Variants in TCIRG1 observed in about 807,000 individuals in gnomAD.
TCIRG1 encodes the protein T cell immune regulator 1, ATPase H+ transporting V0 subunit a3, also known as V-type proton ATPase 116 kDa subunit a 3.
TCIRG1 carries 86 observed loss-of-function variants against 95.5 expected under a neutral mutation model. That is an observed-to-expected ratio of 0.90 (90% CI 0.76 to 1.08). The LOEUF (loss-of-function observed/expected upper bound fraction) is 1.08, where lower values mean the gene tolerates loss of function less well. TCIRG1 is among the 50% of genes least tolerant of loss of function. The probability of loss-of-function intolerance (pLI) is 0.00; values close to 1 mark genes in which losing one functional copy is unlikely to be tolerated. For synonymous variants in TCIRG1, 499 were observed against 501.3 expected (o/e 1.00, Z 0.06); for missense variants, 1,069 against 1,140.2 (o/e 0.94, Z 0.90).
intron 13 of TCIRG1, 144 bp downstream of exon 13, chr11:68,048,116 G>C: frequency 1.3e-6 from 1 of 785,302 alleles, no homozygotes; most frequent in Non-Finnish European, 2.2e-6. Context: ...AGGCAGACAA[G>C]CCTCCTGCCC....
Position 68,043,817 on chromosome 11 carries a change from C to T in TCIRG1, c.717C>T (p.Phe239=). Residue 239 remains phenylalanine (F), a synonymous_variant, in exon 8 of 20, where the codon TTC becomes TTT. Coordinates refer to ENST00000265686, the MANE Select transcript of TCIRG1 (RefSeq NM_006019.4). ...ACGCAGCGCATCCTCCCTCCAGCTT[C>T]CACTGCCACGTCTTCCCGTTTCTGC... is the stretch of plus-strand genomic sequence containing the variant. The part of the protein sequence containing the change: ...GQKIRKITDC[F]HCHVFPFLQQ... 1 of 1,562,544 alleles carries T rather than the reference C, an allele frequency of 6.4e-7. No homozygotes were observed. The highest frequency in any genetic ancestry group is 2.4e-5 in the East Asian group (1 of 42,036).
At chr11:68,048,826 G>T (rs1223454837) in intron 13 of TCIRG1, 53 bp from the exon 14 acceptor site, 21 of 1,304,224 alleles carry the variant, frequency 1.6e-5, no homozygotes, top group Non-Finnish European at 2.0e-5. Flanking sequence ...GGACTTCCTG[G>T]CAGTGATGGC....
At chr11:68,041,732 C>G (rs1356113842) in intron 2 of TCIRG1, 21 bp from the exon 3 acceptor site, 1 of 1,599,524 alleles carries the variant, frequency 6.3e-7, no homozygotes, top group Non-Finnish European at 8.5e-7. Flanking sequence ...GGACACTCAC[C>G]CCTCCGTGTG....
intron 3 of TCIRG1, among the ~76,000 whole-genome samples, 179 bp from the exon 4 acceptor site, chr11:68,042,464 C>A (rs2134434243): frequency 6.6e-6 from 1 of 152,274 alleles, no homozygotes; most frequent in East Asian, 1.9e-4. Flanking sequence ...AGAGTGAGCC[C>A]AGACCTGAGC....
chr11:68,042,858 C>T lies in TCIRG1; in HGVS notation c.412C>T (p.Pro138Ser), dbSNP rs35354504. The change falls in exon 4 of 20, where the codon CCT becomes TCT. Residue 138 changes from proline to serine, a missense_variant. Coordinates refer to ENST00000265686, the MANE Select transcript of TCIRG1 (RefSeq NM_006019.4). ...CGCCGTGCTACGCCAGGGCCATGAACCTCAGGTCAGCTCCCACCCAGGCAG... is the reference window on the plus strand; with the variant it reads ...CGCCGTGCTACGCCAGGGCCATGAATCTCAGGTCAGCTCCCACCCAGGCAG... Reference protein sequence around the residue: ...HAAVLRQGHEPQLAAAHTDGA... With the variant: ...HAAVLRQGHESQLAAAHTDGA... 777 of 1,549,714 alleles carry T rather than the reference C, an allele frequency of 5.0e-4. 5 individuals are homozygous for T. The highest frequency in any genetic ancestry group is 1.7e-3 in the Middle Eastern group (10 of 5,882).
At position 68,047,265 on chromosome 11, in the gene TCIRG1, C is replaced by A. The variant is rs1030726162; in HGVS notation, c.1166-168C>A. Among the ~76,000 whole-genome samples, 16 of 113,986 alleles carry A rather than the reference C, an allele frequency of 1.4e-4. 2 individuals are homozygous for A. Among genetic ancestry groups the A allele is most frequent in the South Asian group, 9.7e-4 (3 of 3,092 alleles). The allele number at this position is 113,986 out of a possible 152,430, so 74.8% of individuals were successfully genotyped here. ...ACCTCGGGTGATGCCCCCCCCCCCC[C>A]CCGTCTCGGCCTCCCAGAGTGCTGG... On this transcript the variant is annotated intron_variant, in intron 10 of 19. Coordinates refer to ENST00000265686, the MANE Select transcript of TCIRG1 (RefSeq NM_006019.4).
Position 68,042,698 on chromosome 11 carries a change from G to A in TCIRG1, c.252G>A (p.Gly84=). 1 of 1,546,156 alleles carries A rather than the reference G, an allele frequency of 6.5e-7. No individual in the cohort carries two copies. Among genetic ancestry groups the A allele is most frequent in the Non-Finnish European group, 8.7e-7 (1 of 1,145,786 alleles). The change falls in exon 4 of 20, where the codon GGG becomes GGA. Residue 84 remains glycine (G), a synonymous_variant. Coordinates refer to ENST00000265686, the MANE Select transcript of TCIRG1 (RefSeq NM_006019.4). ...GGCTGGTCCTGCCCCCGCCAAAGGG[G>A]AGGCTGCCGGCACCCCCACCCCGGG... The part of the protein sequence containing the change: ...RAGLVLPPPK[G]RLPAPPPRDL...
chr11:68,051,025 G>C, downstream of TCIRG1: 1 of 629,748 alleles, frequency 1.6e-6, no homozygotes. Context: ...TCAGACTCTT[G>C]GGGTGAAAAG....
chr11:68,046,641 G>T (rs1375650292), intron 10 of TCIRG1, among the ~76,000 whole-genome samples: 1 of 136,624 alleles, frequency 7.3e-6, no homozygotes, highest in Non-Finnish European at 1.6e-5. Flanking sequence ...CTTTTTTGGG[G>T]TCACAACACA....
At chr11:68,047,362 G>A (rs985542309) in intron 10 of TCIRG1, 71 bp from the exon 11 acceptor site, 58 of 1,581,436 alleles carry the variant, frequency 3.7e-5, no homozygotes, top group East Asian at 6.9e-5. Flanking sequence ...CAGGGCCTCC[G>A]TGGCGTCTTG....
At chr11:68,051,320 G>A (rs1311682517), downstream of TCIRG1, among the ~76,000 whole-genome samples, 1 of 152,224 alleles carries the variant, frequency 6.6e-6, no homozygotes, top group East Asian at 1.9e-4. Context: ...ACACCTGCCA[G>A]GAAGGGTAGA....
chr11:68,043,075 C>T (rs1217888410), intron 5 of TCIRG1, 44 bp downstream of exon 5: 1 of 1,548,954 alleles, frequency 6.5e-7, no homozygotes, highest in South Asian at 1.2e-5. Flanking sequence ...CAGCCCAGAA[C>T]CCCTGGCCAG....
chr11:68,043,741 A>T, intron 7 of TCIRG1, 73 bp from the exon 8 acceptor site: 1 of 1,534,808 alleles, frequency 6.5e-7, no homozygotes, highest in Non-Finnish European at 8.8e-7. Flanking sequence ...ACTCCTCCCC[A>T]TGAGCTCCCT....
At chr11:68,039,514 C>T (rs1203627887) in intron 1 of TCIRG1, among the ~76,000 whole-genome samples, 5 of 152,170 alleles carry the variant, frequency 3.3e-5, no homozygotes, top group Non-Finnish European at 7.4e-5. Context: ...CCCTCTCCTA[C>T]TGCCTTCCCA....
At position 68,042,386 on chromosome 11, in the gene TCIRG1, G is replaced by A. The variant is rs770797014; in HGVS notation, c.197-257G>A. Among the ~76,000 whole-genome samples, 43 of 152,340 alleles carry A rather than the reference G, an allele frequency of 2.8e-4. No homozygotes were observed. In the Middle Eastern group the frequency reaches 0.01, roughly 36 times the overall value. On this transcript the variant is annotated intron_variant, in intron 3 of 19. Transcript: ENST00000265686. ...GCCAGCTCCGGTCCCAAGCCCTGCA[G>A]CGCAAGGGCCGGCCTGTGGGGAGAC...
At chr11:68,043,082 C>T (rs748413872) in intron 5 of TCIRG1, 51 bp downstream of exon 5, 1 of 1,548,648 alleles carries the variant, frequency 6.5e-7, no homozygotes, top group Non-Finnish European at 8.7e-7. Flanking sequence ...GAACCCCTGG[C>T]CAGTCGCTGG....
intron 13 of TCIRG1, 99 bp downstream of exon 13, chr11:68,048,071 C>T (rs549435071): frequency 1.9e-4 from 198 of 1,065,978 alleles, no homozygotes; most frequent in Non-Finnish European, 2.7e-4. Flanking sequence ...TGTCGCTGAG[C>T]ACTCCTGTGT....
rs1031917384 is a variant in TCIRG1 at position 68,041,329 on chromosome 11, G to A, written c.58G>A (p.Ala20Thr). 7.4e-6 allele frequency: 12 copies of A among 1,613,278 alleles called. No individual in the cohort carries two copies. Among genetic ancestry groups the A allele is most frequent in the Non-Finnish European group, 8.5e-6 (10 of 1,179,974 alleles). The change falls in exon 2 of 20, where the codon GCG (alanine) becomes ACG (threonine). Residue 20 changes from alanine (A) to threonine (T), a missense_variant. Ala to Thr is a moderately conservative substitution (Grantham distance 58). Transcript: ENST00000265686. ...CCTGGTCCAGCTCTTTCTGCCCACAGCGGCTGCCTACACCTGCGTGAGTCG... is the reference window on the plus strand; with the variant it reads ...CCTGGTCCAGCTCTTTCTGCCCACAACGGCTGCCTACACCTGCGTGAGTCG... ...VALVQLFLPT[A>T]AAYTCVSRLG...
intron 9 of TCIRG1, 45 bp downstream of exon 9, chr11:68,044,389 C>T: frequency 6.8e-7 from 1 of 1,472,518 alleles, no homozygotes; most frequent in South Asian, 1.2e-5. Context: ...GCCCCTCCTA[C>T]CAGGCCGGGG....
Sources: gnomAD v4.1 joint callset for allele counts (sites outside exome capture counted in the v4.1 genomes callset) on GRCh38, gnomAD v4.1.1 for gene constraint, MANE v1.5 for transcripts, NCBI Gene and HGNC (gene_info 2026-07-23, HGNC 2026-07-21) for gene names.